The following C19orf47 variants were observed in gnomAD, a reference collection of about 807,000 sequenced individuals.
C19orf47 encodes chromosome 19 open reading frame 47.
C19orf47 carries 18 observed loss-of-function variants against 32.3 expected under a neutral mutation model. The observed-to-expected ratio is 0.56, with a 90% CI of 0.39 to 0.83. C19orf47 has a LOEUF of 0.83. Among genes scored for constraint, C19orf47 ranks in the 40% least tolerant of loss-of-function variants. The pLI is 0.00. For missense variants in C19orf47, 484 were observed against 531.6 expected (o/e 0.91, Z 0.88); for synonymous variants, 202 against 211.1 (o/e 0.96, Z 0.37).
intron 2 of C19orf47, among the ~76,000 whole-genome samples, chr19:40,340,100 G>C (rs935849113): frequency 4.6e-5 from 7 of 151,854 alleles, no homozygotes; most frequent in African/African-American, 7.3e-5. Context: ...CTCTCGGGGG[G>C]CTGACAATAT....
the C19orf47 span, among the ~76,000 whole-genome samples, chr19:40,299,739 A>C: frequency 1.3e-5 from 2 of 152,324 alleles, no homozygotes; most frequent in South Asian, 4.1e-4. Flanking sequence ...AAAAAGAGAG[A>C]CATTAGCCAG....
intron 6 of C19orf47, among the ~76,000 whole-genome samples, chr19:40,327,978 G>C (rs550838874): frequency 6.6e-6 from 1 of 152,294 alleles, no homozygotes; most frequent in South Asian, 2.1e-4. Flanking sequence ...CAGCCCAGGG[G>C]GTTACAGGAT....
rs1410758754 is a variant in C19orf47 at position 40,324,020 on chromosome 19, T to A, written c.649A>T (p.Thr217Ser). 8.1e-6 allele frequency: 13 copies of A among 1,614,086 alleles called. No individual in the cohort carries two copies. The Admixed American group carries it at 1.7e-4, about 21-fold the overall frequency. ...RLGAETKADT[T>S]TGSKPTGVFS... ...TCCCCACTCACTTTACTCCCTGTCG[T>A]GGTGTCTGCCTTGGTCTCGGCGCCG... The change falls in exon 8 of 9, where the codon ACG becomes TCG. Residue 217 changes from threonine to serine, a missense_variant. This residue lies in a region of C19orf47 where 376 missense variants were observed against 370.2 expected (regional missense o/e 1.02). Transcript: ENST00000683109.
chr19:40,299,732 AAG>A, the C19orf47 span: 3 of 152,206 alleles, frequency 2.0e-5, no homozygotes, highest in East Asian at 1.9e-4. Flanking sequence ...CACCTCGAAA[AAG>A]AGAGACATTA....
the C19orf47 span, among the ~76,000 whole-genome samples, chr19:40,294,140 A>C: frequency 6.6e-6 from 1 of 151,954 alleles, no homozygotes; most frequent in African/African-American, 2.4e-5. Flanking sequence ...GGGTAGCGGG[A>C]AGCCATTTTT....
chr19:40,347,992 A>T (rs1461921990), intron 1 of C19orf47, among the ~76,000 whole-genome samples: 1 of 152,188 alleles, frequency 6.6e-6, no homozygotes, highest in Non-Finnish European at 1.5e-5. Context: ...GACTTGAACC[A>T]AAATTCGACG....
At chr19:40,314,231 C>T in the C19orf47 span, among the ~76,000 whole-genome samples, 1 of 152,146 alleles carries the variant, frequency 6.6e-6, no homozygotes, top group South Asian at 2.1e-4. Context: ...AGTTCAAGAC[C>T]AGCCTGAACA....
intron 4 of C19orf47, among the ~76,000 whole-genome samples, chr19:40,335,597 C>T (rs1408650919): frequency 6.6e-6 from 1 of 151,906 alleles, no homozygotes; most frequent in African/African-American, 2.4e-5. Context: ...TATATACAAC[C>T]ACCATTCAAG....
At chr19:40,301,422 C>T in the C19orf47 span, among the ~76,000 whole-genome samples, 1 of 149,780 alleles carries the variant, frequency 6.7e-6, no homozygotes. Context: ...CTCACTGCAA[C>T]CTCCGCCTCC....
the C19orf47 span, among the ~76,000 whole-genome samples, chr19:40,312,334 T>G: frequency 6.6e-6 from 1 of 151,616 alleles, no homozygotes; most frequent in Admixed American, 6.6e-5. Context: ...GATCACGAGG[T>G]CGAGATCGAG....
chr19:40,325,288 T>C (rs2077806910), intron 7 of C19orf47, among the ~76,000 whole-genome samples: 1 of 151,102 alleles, frequency 6.6e-6, no homozygotes, highest in Admixed American at 6.6e-5. Flanking sequence ...AAAAAAGTTA[T>C]AGAACAATAC....
intron 1 of C19orf47, among the ~76,000 whole-genome samples, chr19:40,346,677 C>A (rs2078297166): frequency 6.6e-6 from 1 of 151,366 alleles, no homozygotes; most frequent in South Asian, 2.1e-4. Context: ...CAGGCCCCCA[C>A]CACCATGCCC....
downstream of C19orf47, among the ~76,000 whole-genome samples, chr19:40,315,578 C>T (rs1425246701): frequency 1.3e-5 from 2 of 151,962 alleles, no homozygotes; most frequent in Middle Eastern, 3.2e-3. Flanking sequence ...GTCAGGAATT[C>T]GAGACCAGCC....
At chr19:40,338,911 A>T (rs2078123685) in intron 2 of C19orf47, 1 of 152,198 alleles carries the variant, frequency 6.6e-6, no homozygotes, top group Non-Finnish European at 1.5e-5. Flanking sequence ...TATAAAAACC[A>T]TCGAATTATA....
intron 5 of C19orf47, among the ~76,000 whole-genome samples, 165 bp from the exon 6 acceptor site, chr19:40,328,715 G>A (rs936864918): frequency 6.6e-6 from 1 of 152,054 alleles, no homozygotes; most frequent in Non-Finnish European, 1.5e-5. Context: ...ATGCTTGGGG[G>A]CAGGGTGGGC....
the C19orf47 span, among the ~76,000 whole-genome samples, chr19:40,293,529 G>A: frequency 2.0e-5 from 3 of 151,318 alleles, no homozygotes; most frequent in Admixed American, 6.6e-5. Context: ...GCAATGATGC[G>A]ATCTTGGCTC....
chr19:40,337,525 G>A (rs1043495557), intron 2 of C19orf47, among the ~76,000 whole-genome samples: 1 of 151,656 alleles, frequency 6.6e-6, no homozygotes, highest in Non-Finnish European at 1.5e-5. Flanking sequence ...TCTGAAACTA[G>A]GATCTACTTC....
chr19:40,305,494 T>C, the C19orf47 span, among the ~76,000 whole-genome samples: 2 of 152,164 alleles, frequency 1.3e-5, no homozygotes, highest in Non-Finnish European at 2.9e-5. Flanking sequence ...TAAACTCTAT[T>C]CACTTGCCAC....
At chr19:40,339,542 A>G (rs570707282) in intron 2 of C19orf47, among the ~76,000 whole-genome samples, 13 of 152,346 alleles carry the variant, frequency 8.5e-5, no homozygotes, top group African/African-American at 2.6e-4. Flanking sequence ...AAGAAAGTCA[A>G]CATAGATGAC....
Sources: allele counts gnomAD v4.1 joint callset (sites outside exome capture counted in the v4.1 genomes callset), GRCh38; gene constraint gnomAD v4.1.1; regional missense constraint gnomAD v4.1.1; transcripts MANE v1.5; gene names NCBI Gene and HGNC (gene_info 2026-07-23, HGNC 2026-07-21).